Variants in ABHD17C observed in about 807,000 individuals in gnomAD.
The protein encoded by ABHD17C is abhydrolase domain containing 17C, depalmitoylase.
ABHD17C carries 11 observed loss-of-function variants against 27.9 expected under a neutral mutation model. The ratio of observed to expected loss-of-function variants is 0.39; its 90% confidence interval spans 0.25 to 0.65. The LOEUF is 0.65. Ranked by LOEUF, ABHD17C falls within the 30% of genes least tolerant of loss-of-function variation. ABHD17C has a pLI of 0.45. For missense variants in ABHD17C, 280 were observed against 470.2 expected, an observed-to-expected ratio of 0.60 and a Z score of 3.74; for synonymous variants, 233 against 209.1, an observed-to-expected ratio of 1.11 and a Z score of -0.98.
intron 1 of ABHD17C, among the ~76,000 whole-genome samples, chr15:80,736,958 G>A (rs1895139385): frequency 6.6e-6 from 1 of 152,204 alleles, no homozygotes; most frequent in South Asian, 2.1e-4. Context: ...GGAACTTCCT[G>A]CCTCAGTGCT....
chr15:80,750,378 A>G (rs1313123163), intron 2 of ABHD17C, among the ~76,000 whole-genome samples: 1 of 152,126 alleles, frequency 6.6e-6, no homozygotes. Flanking sequence ...TTTAATACAA[A>G]ATATTTTGCC....
At chr15:80,720,158 T>G (rs1894873528) in intron 1 of ABHD17C, among the ~76,000 whole-genome samples, 1 of 152,130 alleles carries the variant, frequency 6.6e-6, no homozygotes, top group Non-Finnish European at 1.5e-5. Flanking sequence ...GCTCAGATGT[T>G]TCTGTCTTCT....
At chr15:80,739,200 T>A (rs1208906007) in intron 1 of ABHD17C, among the ~76,000 whole-genome samples, 2 of 152,204 alleles carry the variant, frequency 1.3e-5, no homozygotes, top group African/African-American at 4.8e-5. Context: ...AAATACTTTG[T>A]TCTTCACCTC....
At chr15:80,713,929 CACACACACACAT>C (rs1017433929) in intron 1 of ABHD17C, among the ~76,000 whole-genome samples, 4 of 150,498 alleles carry the variant, frequency 2.7e-5, no homozygotes, top group African/African-American at 9.7e-5. Flanking sequence ...CACACACACA[CACACACACACAT>C]ATATTTATTT....
chr15:80,720,457 A>G (rs1033832479), intron 1 of ABHD17C, among the ~76,000 whole-genome samples: 7 of 152,130 alleles, frequency 4.6e-5, no homozygotes, highest in Non-Finnish European at 1.0e-4. Flanking sequence ...TTGAGAATGT[A>G]GAAGGCATTG....
At chr15:80,720,504 A>G (rs769550960) in intron 1 of ABHD17C, among the ~76,000 whole-genome samples, 6 of 151,914 alleles carry the variant, frequency 3.9e-5, no homozygotes, top group Non-Finnish European at 7.4e-5. Context: ...CTGGTGCTGG[A>G]CTGGTTCTGG....
chr15:80,701,147 A>G (rs1343052040), intron 1 of ABHD17C, among the ~76,000 whole-genome samples: 1 of 152,190 alleles, frequency 6.6e-6, no homozygotes, highest in African/African-American at 2.4e-5. Flanking sequence ...GCAAAGCTGT[A>G]GTGGCATCCT....
chr15:80,717,486 C>G (rs1894821902), intron 1 of ABHD17C, among the ~76,000 whole-genome samples: 1 of 151,870 alleles, frequency 6.6e-6, no homozygotes, highest in Non-Finnish European at 1.5e-5. Context: ...CTCTGCTTCC[C>G]AGTTTCAAGC....
chr15:80,704,999 T>G (rs1383517136), intron 1 of ABHD17C: 1 of 152,322 alleles, frequency 6.6e-6, no homozygotes, highest in Non-Finnish European at 1.5e-5. Flanking sequence ...CATCCACCGT[T>G]GGGCTATGGG....
chr15:80,697,166 C>G lies in ABHD17C; in HGVS notation c.590+1147C>G, dbSNP rs199615655. 2.6e-4 allele frequency among the ~76,000 whole-genome samples: 40 copies of G among 152,156 alleles called. No individual in the cohort carries two copies. The East Asian group carries it at 7.0e-3, about 26-fold the overall frequency. ...TTGCCTGTCTGGGAAAATGGCTTGTCCAACAGGGAAGTACTTAATATTTGC... is the reference window on the plus strand; with the variant it reads ...TTGCCTGTCTGGGAAAATGGCTTGTGCAACAGGGAAGTACTTAATATTTGC... On this transcript the variant is annotated intron_variant, in intron 1 of 2. Coordinates refer to ENST00000258884, the MANE Select transcript of ABHD17C (RefSeq NM_021214.2).
rs887179320 is a variant in ABHD17C at position 80,735,135 on chromosome 15, G to A, written c.591-14378G>A. On this transcript the variant is annotated intron_variant, in intron 1 of 2. Transcript: ENST00000258884. The stretch of plus-strand genomic sequence containing the variant: ...GGAGAAAGAATGAGGAGAGCTCAGG[G>A]ACTGGTCTTTCTTAACATAGATATC... Among the ~76,000 whole-genome samples the A allele has an allele frequency of 3.9e-5, 6 of 152,236 alleles. No individual in the cohort carries two copies. In the East Asian group the frequency reaches 1.2e-3, roughly 29 times the overall value.
rs377044520 is a variant in ABHD17C, at chr15:80,741,265, A to G, written c.591-8248A>G. On this transcript the variant is annotated intron_variant, in intron 1 of 2. Coordinates refer to ENST00000258884, the MANE Select transcript of ABHD17C (RefSeq NM_021214.2). ...GGAGATGCCCAGCAGCTGTTTTTTT[A>G]ATGCATTAAAAAAAGATGAAGACCC... Among the ~76,000 whole-genome samples, 4 of 152,076 alleles carry G rather than the reference A, an allele frequency of 2.6e-5. No homozygotes were observed. The South Asian group carries it at 6.2e-4, about 24-fold the overall frequency.
At chr15:80,714,574 G>A (rs1042081067) in intron 1 of ABHD17C, among the ~76,000 whole-genome samples, 1 of 152,132 alleles carries the variant, frequency 6.6e-6, no homozygotes, top group African/African-American at 2.4e-5. Context: ...GGTGGCGGGG[G>A]GTGGACATCT....
intron 1 of ABHD17C, among the ~76,000 whole-genome samples, chr15:80,723,099 G>A (rs896077051): frequency 2.6e-5 from 4 of 151,572 alleles, no homozygotes; most frequent in Admixed American, 6.6e-5. Flanking sequence ...CAAGGATACT[G>A]AGGGATGGCT....
At chr15:80,752,923 A>G (rs1596075871) in intron 2 of ABHD17C, among the ~76,000 whole-genome samples, 1 of 152,220 alleles carries the variant, frequency 6.6e-6, no homozygotes, top group East Asian at 1.9e-4. Flanking sequence ...TCATCCTTTG[A>G]GAGTAGATTT....
intron 1 of ABHD17C, among the ~76,000 whole-genome samples, chr15:80,722,546 C>G (rs918781752): frequency 1.3e-5 from 2 of 151,416 alleles, no homozygotes; most frequent in East Asian, 2.0e-4. Context: ...TCTTGCCCAC[C>G]CTTTTTTTTT....
At chr15:80,700,686 C>A (rs1023357865) in intron 1 of ABHD17C, among the ~76,000 whole-genome samples, 4 of 152,044 alleles carry the variant, frequency 2.6e-5, no homozygotes, top group Admixed American at 6.6e-5. Flanking sequence ...TCACTTGAGC[C>A]CAGGAGTTCA....
intron 1 of ABHD17C, among the ~76,000 whole-genome samples, chr15:80,707,661 G>A (rs1465829796): frequency 6.6e-6 from 1 of 152,088 alleles, no homozygotes; most frequent in Non-Finnish European, 1.5e-5. Flanking sequence ...CCTGGGCCGA[G>A]GGTTGGACAA....
intron 1 of ABHD17C, among the ~76,000 whole-genome samples, chr15:80,715,718 G>T (rs758009494): frequency 1.4e-4 from 21 of 152,160 alleles, no homozygotes; most frequent in Non-Finnish European, 2.9e-4. Context: ...GTTCTGTGCA[G>T]CCCACATGGC....
Sources: allele counts gnomAD v4.1 joint callset (sites outside exome capture counted in the v4.1 genomes callset), GRCh38; gene constraint gnomAD v4.1.1; transcripts MANE v1.5; gene names NCBI Gene and HGNC (gene_info 2026-07-23, HGNC 2026-07-21).